NCAPH: variants seen among roughly 807,000 people sequenced by gnomAD.
NCAPH encodes the protein non-SMC condensin I complex subunit H.
Under a neutral mutation model 85.5 loss-of-function variants are expected in NCAPH, and 38 were observed. That is an observed-to-expected ratio of 0.44 (90% CI 0.34 to 0.58). The LOEUF (loss-of-function observed/expected upper bound fraction) is 0.58. Among genes scored for constraint, NCAPH ranks in the 20% least tolerant of loss-of-function variants. NCAPH has a pLI of 0.01. For missense variants in NCAPH, 789 were observed against 916.6 expected (o/e 0.86, Z 1.80); for synonymous variants, 301 against 335.1 (o/e 0.90, Z 1.11).
chr2:96,370,223 A>T (rs1304364138), intron 17 of NCAPH, among the ~76,000 whole-genome samples: 1 of 152,214 alleles, frequency 6.6e-6, no homozygotes, highest in African/African-American at 2.4e-5. Context: ...TGGCACGTGC[A>T]GTAGAGGGCT....
rs1279869998 is a variant in NCAPH, at chr2:96,375,774, T to C, written c.*2423T>C. On this transcript the variant is annotated 3_prime_UTR_variant, in exon 18 of 18. Transcript: ENST00000240423. Reference sequence around the variant, plus strand: ...ATGAGAGACCGGGGATCCTTCCAGCTCATCCTTCTGTTTCAGTGTGGCTGC... The same window carrying C: ...ATGAGAGACCGGGGATCCTTCCAGCCCATCCTTCTGTTTCAGTGTGGCTGC... 1.3e-5 allele frequency among the ~76,000 whole-genome samples: 2 copies of C among 152,190 alleles called. No homozygotes were observed. The highest frequency in any genetic ancestry group is 4.8e-5 in the African/African-American group (2 of 41,448).
At position 96,351,905 on chromosome 2, in the gene NCAPH, C is replaced by G. The variant is rs1182934453; in HGVS notation, c.795C>G (p.Leu265=). ...CSTAGVFLST[L]HCQDYRSELL... is the part of the protein sequence containing the mutation. ...CAGCAGGGGTGTTTCTGTCCACTCT[C>G]CACTGCCAGGACTACAGAAGTGAAC... The change falls in exon 7 of 18, where the codon CTC becomes CTG. Residue 265 remains leucine, a synonymous_variant. Transcript: ENST00000240423. 1 of 1,614,014 alleles carries G rather than the reference C, an allele frequency of 6.2e-7. No individual in the cohort carries two copies. Among genetic ancestry groups the G allele is most frequent in the Non-Finnish European group, 8.5e-7 (1 of 1,179,990 alleles).
intron 3 of NCAPH, 73 bp from the exon 4 acceptor site, chr2:96,342,683 C>A: frequency 8.2e-7 from 1 of 1,215,412 alleles, no homozygotes; most frequent in Non-Finnish European, 1.2e-6. Context: ...TTAGCTTCCT[C>A]TGTTAAAAGC....
At position 96,344,272 on chromosome 2, in the gene NCAPH, A is replaced by G. The variant is rs776225695; in HGVS notation, c.720+43A>G. The G allele has an allele frequency of 2.6e-6, 4 of 1,559,028 alleles. No homozygotes were observed. The South Asian group carries it at 4.9e-5, about 19-fold the overall frequency. On this transcript the variant is annotated intron_variant, in intron 6 of 17. Transcript: ENST00000240423. The stretch of plus-strand genomic sequence containing the variant: ...CAGTGTGGTTTCTGACTAATTCAGA[A>G]CCTTAGGGGCTGAGACTTGGCAGGG...
intron 6 of NCAPH, among the ~76,000 whole-genome samples, chr2:96,347,326 A>G (rs868638228): frequency 6.7e-6 from 1 of 149,314 alleles, no homozygotes; most frequent in African/African-American, 2.5e-5. Flanking sequence ...CCATTTAGAC[A>G]TTTTGTGCCT....
Position 96,353,390 on chromosome 2 carries a change from A to C in NCAPH, c.995A>C (p.His332Pro), listed in dbSNP as rs1041846178. 1.2e-6 allele frequency: 2 copies of C among 1,613,854 alleles called. No homozygotes were observed. The highest frequency in any genetic ancestry group is 1.7e-6 in the Non-Finnish European group (2 of 1,179,790). Residue 332 changes from histidine to proline, a missense_variant, in exon 8 of 18, where the codon CAT becomes CCT. Coordinates refer to ENST00000240423, the MANE Select transcript of NCAPH (RefSeq NM_015341.5). Reference sequence around the variant, plus strand: ...TTTACACAGTGGGACAGTGAAACACATAATGAGGTGTGGTCAAGTTTTAGT... The same window carrying C: ...TTTACACAGTGGGACAGTGAAACACCTAATGAGGTGTGGTCAAGTTTTAGT... ...FQFTQWDSET[H>P]NESVSALVDK...
Position 96,354,179 on chromosome 2 carries a change from C to G in NCAPH, c.1003-4C>G. The G allele has an allele frequency of 6.2e-7, 1 of 1,612,906 alleles. No homozygotes were observed. The highest frequency in any genetic ancestry group is 1.1e-5 in the South Asian group (1 of 90,882). ...AATTACAGAACCCTCTTTTGTCCCT[C>G]CAGTCTGTGTCGGCCCTGGTAGACA... On this transcript the variant is annotated splice_polypyrimidine_tract_variant and splice_region_variant and intron_variant, in intron 8 of 17. Transcript: ENST00000240423.
At chr2:96,339,796 A>G (rs929968837) in intron 1 of NCAPH, among the ~76,000 whole-genome samples, 12 of 152,094 alleles carry the variant, frequency 7.9e-5, no homozygotes, top group African/African-American at 2.9e-4. Context: ...ATAGTTTATC[A>G]CATCCTCCTC....
Position 96,335,818 on chromosome 2 carries a change from C to A in NCAPH, c.-12C>A. 6.7e-7 allele frequency: 1 copy of A among 1,494,808 alleles called. No individual in the cohort carries two copies. The highest frequency in any genetic ancestry group is 8.9e-7 in the Non-Finnish European group (1 of 1,125,230). 92.6% of individuals were successfully genotyped at this position (1,494,808 alleles called of 1,614,324 possible). ...CGCGATTTAAAACCAGCTCAGGAGACGCCAAGGAAAGATGGGACCTCCCGG... is the reference window on the plus strand; with the variant it reads ...CGCGATTTAAAACCAGCTCAGGAGAAGCCAAGGAAAGATGGGACCTCCCGG... On this transcript the variant is annotated 5_prime_UTR_variant, in exon 1 of 18. Coordinates refer to ENST00000240423, the MANE Select transcript of NCAPH (RefSeq NM_015341.5).
At chr2:96,352,674 A>G (rs1172338413) in intron 7 of NCAPH, among the ~76,000 whole-genome samples, 3 of 152,126 alleles carry the variant, frequency 2.0e-5, no homozygotes, top group Non-Finnish European at 4.4e-5. Context: ...CACATTTCCA[A>G]TGCAGTGTTC....
At chr2:96,360,831 G>A (rs577986888) in intron 12 of NCAPH, 121 bp downstream of exon 12, 33 of 1,279,086 alleles carry the variant, frequency 2.6e-5, no homozygotes, top group African/African-American at 6.0e-5. Context: ...TAGCCAAAGC[G>A]TGTTGCCAGG....
intron 9 of NCAPH, among the ~76,000 whole-genome samples, chr2:96,354,737 G>A (rs1434611827): frequency 1.3e-5 from 2 of 152,186 alleles, no homozygotes; most frequent in Non-Finnish European, 2.9e-5. Context: ...GAGCCTTTCT[G>A]ACTCAGAGGA....
chr2:96,343,995 C>G, intron 5 of NCAPH, 110 bp from the exon 6 acceptor site: 1 of 1,394,300 alleles, frequency 7.2e-7, no homozygotes, highest in Non-Finnish European at 9.7e-7. Flanking sequence ...AGCCACCACA[C>G]CTGGCCTCAC....
chr2:96,361,812 A>ATATATACATATATATGTATATATATGTG (rs2064622933), intron 12 of NCAPH, among the ~76,000 whole-genome samples: 1 of 82,674 alleles, frequency 1.2e-5, no homozygotes, highest in Admixed American at 1.3e-4. Context: ...ATGTGTATAT[A>ATATATACATATATATGTATATATATGTG]TATATATATA....
intron 15 of NCAPH, 42 bp from the exon 16 acceptor site, chr2:96,368,930 C>T: frequency 1.3e-6 from 2 of 1,530,958 alleles, no homozygotes; most frequent in Admixed American, 2.0e-5. Flanking sequence ...TTCAAAAGTG[C>T]ACTAGCCCTA....
At chr2:96,356,943 T>C (rs2064532877) in intron 9 of NCAPH, among the ~76,000 whole-genome samples, 2 of 152,230 alleles carry the variant, frequency 1.3e-5, no homozygotes, top group African/African-American at 4.8e-5. Flanking sequence ...TGGTAAGGAC[T>C]GGTCTGCAAA....
rs553778688 is a variant in NCAPH, at chr2:96,375,272, C to T, written c.*1921C>T. 6.6e-6 allele frequency among the ~76,000 whole-genome samples: 1 copy of T among 152,078 alleles called. No homozygotes were observed. Among genetic ancestry groups the T allele is most frequent in the Non-Finnish European group, 1.5e-5 (1 of 68,010 alleles). Reference sequence around the variant, plus strand: ...CTACAATGAAATCCCCTTCCCCCCACAACCCTGCTTCTCCTAAGTTTCCCT... The same window carrying T: ...CTACAATGAAATCCCCTTCCCCCCATAACCCTGCTTCTCCTAAGTTTCCCT... On this transcript the variant is annotated 3_prime_UTR_variant, in exon 18 of 18. Transcript: ENST00000240423.
Position 96,336,608 on chromosome 2 carries a change from A to G in NCAPH, c.19+760A>G, listed in dbSNP as rs2064217755. 3.9e-5 allele frequency among the ~76,000 whole-genome samples: 6 copies of G among 152,332 alleles called. No homozygotes were observed. In the South Asian group the frequency reaches 1.0e-3, roughly 26 times the overall value. ...GAGGCCTTGGGTAAGAGATTTGGAA[A>G]TTGAGTTACATTTTGGACATGGTAT... is the stretch of plus-strand genomic sequence containing the variant. On this transcript the variant is annotated intron_variant, in intron 1 of 17. Transcript: ENST00000240423.
In NCAPH at chr2:96,374,642, A is replaced by G. The variant is rs765435237; in HGVS notation, c.*1291A>G. On this transcript the variant is annotated 3_prime_UTR_variant, in exon 18 of 18. Coordinates refer to ENST00000240423, the MANE Select transcript of NCAPH (RefSeq NM_015341.5). Reference sequence around the variant, plus strand: ...CTCCCCACAGGAATATGCTTTCCAAATTGTGTCCAAAACATTACCTGCTCT... The same window carrying G: ...CTCCCCACAGGAATATGCTTTCCAAGTTGTGTCCAAAACATTACCTGCTCT... Among the ~76,000 whole-genome samples, 1 of 152,212 alleles carries G rather than the reference A, an allele frequency of 6.6e-6. No homozygotes were observed. Among genetic ancestry groups the G allele is most frequent in the Non-Finnish European group, 1.5e-5 (1 of 68,032 alleles).
Sources: allele counts gnomAD v4.1 joint callset (sites outside exome capture counted in the v4.1 genomes callset), GRCh38; gene constraint gnomAD v4.1.1; transcripts MANE v1.5; gene names NCBI Gene and HGNC (gene_info 2026-07-23, HGNC 2026-07-21).